Variants in LAMB1 observed in about 807,000 individuals in gnomAD.
LAMB1 encodes the protein laminin subunit beta 1.
Under a neutral mutation model 222.3 loss-of-function variants are expected in LAMB1, and 121 were observed. The ratio of observed to expected loss-of-function variants is 0.54; its 90% confidence interval spans 0.47 to 0.63. The LOEUF (loss-of-function observed/expected upper bound fraction) is 0.63, where lower values mean the gene tolerates loss of function less well. Among genes scored for constraint, LAMB1 ranks in the 30% least tolerant of loss-of-function variants. The pLI is 0.00. For synonymous variants in LAMB1, 794 were observed against 807.2 expected, an observed-to-expected ratio of 0.98 and a Z score of 0.28; for missense variants, 2,172 against 2,240.8, an observed-to-expected ratio of 0.97 and a Z score of 0.62.
At position 107,932,164 on chromosome 7, in the gene LAMB1, A is replaced by G. The variant is rs769142780; in HGVS notation, c.4392+10T>C. On this transcript the variant is annotated intron_variant, in intron 28 of 33. Coordinates refer to ENST00000222399, the MANE Select transcript of LAMB1 (RefSeq NM_002291.3). The stretch of plus-strand genomic sequence containing the variant: ...TACATAACAAAAACTGAGGCCATCC[A>G]CTGAGTTACCATCTTGGAGAGCTGT... The G allele has an allele frequency of 6.2e-7, 1 of 1,613,684 alleles. No homozygotes were observed. Among genetic ancestry groups the G allele is most frequent in the East Asian group, 2.2e-5 (1 of 44,882 alleles).
chr7:107,925,220 G>A (rs549841354), intron 32 of LAMB1, among the ~76,000 whole-genome samples: 2 of 152,244 alleles, frequency 1.3e-5, no homozygotes, highest in Admixed American at 6.5e-5. Context: ...GAATAGTAGG[G>A]AGTTAAATAC....
At chr7:107,934,025 A>T (rs369808381) in intron 27 of LAMB1, among the ~76,000 whole-genome samples, 1 of 152,184 alleles carries the variant, frequency 6.6e-6, no homozygotes, top group African/African-American at 2.4e-5. Flanking sequence ...GAAGGAATCA[A>T]TGCTGAAGGG....
chr7:107,983,368 C>T (rs1375363950), intron 7 of LAMB1, among the ~76,000 whole-genome samples: 2 of 152,098 alleles, frequency 1.3e-5, no homozygotes, highest in Non-Finnish European at 2.9e-5. Flanking sequence ...ACCTTAGTAG[C>T]AGGAGAGGCA....
At chr7:107,937,418 G>A in intron 25 of LAMB1, 141 bp from the exon 26 acceptor site, 1 of 658,344 alleles carries the variant, frequency 1.5e-6, no homozygotes, top group Non-Finnish European at 2.6e-6. Flanking sequence ...CTAAGTGCTA[G>A]TTTTATTTTC....
chr7:107,991,224 G>A (rs932431286), intron 5 of LAMB1, among the ~76,000 whole-genome samples: 9 of 152,256 alleles, frequency 5.9e-5, no homozygotes, highest in African/African-American at 2.2e-4. Flanking sequence ...TTTTGCAACA[G>A]AATTATTGCA....
intron 20 of LAMB1, 107 bp from the exon 21 acceptor site, chr7:107,955,737 CTCA>C (rs1330187677): frequency 9.2e-6 from 9 of 982,568 alleles, no homozygotes; most frequent in Non-Finnish European, 1.3e-5. Context: ...TTCTCCACTC[CTCA>C]TGTTTTCTTT....
At chr7:107,940,710 T>G in intron 24 of LAMB1, 1 of 250,518 alleles carries the variant, frequency 4.0e-6, no homozygotes, top group African/African-American at 2.2e-5. Flanking sequence ...CAAGTCTCAC[T>G]GCAAGGAAAA....
intron 31 of LAMB1, among the ~76,000 whole-genome samples, 196 bp from the exon 32 acceptor site, chr7:107,926,555 C>A (rs1179434787): frequency 6.6e-5 from 10 of 152,108 alleles, no homozygotes. Flanking sequence ...CATATATTCA[C>A]TTCATTCTTT....
Position 108,003,144 on chromosome 7 carries a change from C to A in LAMB1, c.-120G>T, listed in dbSNP as rs1363053140. ...GCGAGCTCTCGCCCTGCTCCGGGAG[C>A]CCCCGAGCCCAAAGAAGGGAATTAG... On this transcript the variant is annotated 5_prime_UTR_variant, in exon 1 of 34. Coordinates refer to ENST00000222399, the MANE Select transcript of LAMB1 (RefSeq NM_002291.3). The A allele has an allele frequency of 1.6e-6, 1 of 633,536 alleles. No homozygotes were observed. The highest frequency in any genetic ancestry group is 3.3e-5 in the Admixed American group (1 of 29,962). 39.2% of individuals were successfully genotyped at this position (633,536 alleles called of 1,614,324 possible).
rs2032714098 is a variant in LAMB1, at chr7:107,931,642, C to CA, written c.4393-143dup. On this transcript the variant is annotated intron_variant, in intron 28 of 33. Transcript: ENST00000222399. ...TGGGAAACAACTTTCTCCCATTCAA[C>CA]AAAGTATTGTATCTTACAGACTGCA... 28 of 761,982 alleles carry CA rather than the reference C, an allele frequency of 3.7e-5. No individual in the cohort carries two copies. In the South Asian group the frequency reaches 4.5e-4, roughly 12 times the overall value. 47.2% of individuals were successfully genotyped at this position (761,982 alleles called of 1,614,324 possible).
At chr7:107,931,538 A>G in intron 28 of LAMB1, 38 bp from the exon 29 acceptor site, 2 of 1,593,520 alleles carry the variant, frequency 1.3e-6, no homozygotes. Context: ...GAAGACTTTC[A>G]TTCTTTCTAA....
At chr7:107,999,494 T>C (rs1004433459) in intron 3 of LAMB1, among the ~76,000 whole-genome samples, 1 of 152,246 alleles carries the variant, frequency 6.6e-6, no homozygotes, top group East Asian at 1.9e-4. Flanking sequence ...ACCGTACTTT[T>C]ACGTTGTATT....
chr7:107,973,204 C>G lies in LAMB1; in HGVS notation c.1483-133G>C, dbSNP rs2033784193. 4 of 750,258 alleles carry G rather than the reference C, an allele frequency of 5.3e-6. No individual in the cohort carries two copies. In the South Asian group the frequency reaches 6.1e-5, roughly 11 times the overall value. The allele number at this position is 750,258 out of a possible 1,614,324, so 46.5% of individuals were successfully genotyped here. A position where few individuals can be genotyped will look rare whatever the true frequency, so the allele number is the denominator to read the frequency against. On this transcript the variant is annotated intron_variant, in intron 12 of 33. Coordinates refer to ENST00000222399, the MANE Select transcript of LAMB1 (RefSeq NM_002291.3). ...TTTCATCATTAAAGCAGAAAGCCAA[C>G]AAAAGGAAGGAGTATTCTGAAATCA...
At chr7:107,928,406 A>G (rs2032619107) in intron 31 of LAMB1, among the ~76,000 whole-genome samples, 1 of 152,208 alleles carries the variant, frequency 6.6e-6, no homozygotes, top group Admixed American at 6.5e-5. Flanking sequence ...TCTTAACCAG[A>G]TAAGCTGCTT....
Position 107,937,089 on chromosome 7 carries a change from T to C in LAMB1, c.3946+4A>G. 6.2e-7 allele frequency: 1 copy of C among 1,612,236 alleles called. No individual in the cohort carries two copies. Among genetic ancestry groups the C allele is most frequent in the Non-Finnish European group, 8.5e-7 (1 of 1,178,726 alleles). On this transcript the variant is annotated splice_donor_region_variant and intron_variant, in intron 26 of 33. Coordinates refer to ENST00000222399, the MANE Select transcript of LAMB1 (RefSeq NM_002291.3). ...TGGGACTATTTGCACCAAAAAATGC[T>C]CACCCCGAATATCTGAGTTTTTGAT...
intron 13 of LAMB1, among the ~76,000 whole-genome samples, chr7:107,965,232 A>G (rs78299235): frequency 0.03 from 4,562 of 152,242 alleles, 232 homozygotes; most frequent in African/African-American, 0.1. Flanking sequence ...TGTGATTTTT[A>G]CTTCTGCATC....
chr7:107,964,774 G>A, intron 13 of LAMB1, 87 bp from the exon 14 acceptor site: 1 of 1,451,786 alleles, frequency 6.9e-7, no homozygotes, highest in Non-Finnish European at 9.5e-7. Flanking sequence ...CCATTACTCA[G>A]TACACAGGAC....
chr7:107,989,137 G>A (rs1215755400), intron 5 of LAMB1, among the ~76,000 whole-genome samples: 1 of 152,216 alleles, frequency 6.6e-6, no homozygotes, highest in Non-Finnish European at 1.5e-5. Flanking sequence ...GCAGTCTTCT[G>A]AAACCAAGGC....
chr7:107,996,511 T>C (rs570951801), intron 4 of LAMB1, among the ~76,000 whole-genome samples: 7 of 152,310 alleles, frequency 4.6e-5, no homozygotes, highest in African/African-American at 1.2e-4. Flanking sequence ...TAAAATCACA[T>C]TCATAAACTC....
Sources: gnomAD v4.1 joint callset for allele counts (sites outside exome capture counted in the v4.1 genomes callset) on GRCh38, gnomAD v4.1.1 for gene constraint, MANE v1.5 for transcripts, NCBI Gene and HGNC (gene_info 2026-07-23, HGNC 2026-07-21) for gene names.